SEMA3A: variants seen among roughly 807,000 people sequenced by gnomAD.
The protein encoded by SEMA3A is semaphorin 3A.
Under a neutral mutation model 97.9 loss-of-function variants are expected in SEMA3A, and 29 were observed. The observed-to-expected ratio is 0.30, with a 90% CI of 0.22 to 0.40. The LOEUF (loss-of-function observed/expected upper bound fraction) is 0.40, where lower values mean the gene tolerates loss of function less well. Among genes scored for constraint, SEMA3A ranks in the 10% least tolerant of loss-of-function variants. SEMA3A has a pLI of 1.00. For synonymous variants in SEMA3A, 321 were observed against 323.7 expected, an observed-to-expected ratio of 0.99 and a Z score of 0.09; for missense variants, 763 against 951.3, an observed-to-expected ratio of 0.80 and a Z score of 2.60.
intron 12 of SEMA3A, among the ~76,000 whole-genome samples, chr7:83,994,347 C>T (rs372638810): frequency 0.011 from 1,270 of 118,116 alleles, 288 homozygotes; most frequent in African/African-American, 0.037. Flanking sequence ...AGCTTTGTTC[C>T]GTTGCTGGTG....
intron 15 of SEMA3A, among the ~76,000 whole-genome samples, chr7:83,971,276 T>C (rs1217330497): frequency 6.6e-6 from 1 of 151,694 alleles, no homozygotes; most frequent in Non-Finnish European, 1.5e-5. Context: ...AAAAGAAAAA[T>C]ACAAAATTAG....
At chr7:84,311,881 C>T (rs1355410251) in intron 2 of SEMA3A, among the ~76,000 whole-genome samples, 1 of 151,744 alleles carries the variant, frequency 6.6e-6, no homozygotes, top group Non-Finnish European at 1.5e-5. Flanking sequence ...GAAGTGAAAA[C>T]ACAAGTTTAT....
rs368559560 is a variant in SEMA3A at position 84,278,671 on chromosome 7, AT to A, written c.-83+28535del. On this transcript the variant is annotated intron_variant, in intron 3 of 3. Coordinates refer to the SEMA3A transcript ENST00000424555. ...AGCAAAGGAAGGGCAGGCAGAGCAC[AT>A]GGTGAAAACAGGATAAAATGAGAAT... Among the ~76,000 whole-genome samples the A allele has an allele frequency of 3.4e-3, 517 of 152,248 alleles. 1 individual carries two copies. Among genetic ancestry groups the A allele is most frequent in the African/African-American group, 0.012 (490 of 41,570 alleles).
chr7:84,331,664 A>G (rs1801912166), intron 2 of SEMA3A, among the ~76,000 whole-genome samples: 1 of 152,110 alleles, frequency 6.6e-6, no homozygotes, highest in Non-Finnish European at 1.5e-5. Flanking sequence ...ACCAGCCAAG[A>G]CTAAAGTTTC....
intron 3 of SEMA3A, among the ~76,000 whole-genome samples, chr7:84,228,772 A>G (rs1017741602): frequency 5.3e-5 from 8 of 152,196 alleles, no homozygotes; most frequent in African/African-American, 1.9e-4. Context: ...TCATGGGCTG[A>G]CTGCAACCTT....
At chr7:84,236,663 G>T (rs1461020962) in intron 3 of SEMA3A, among the ~76,000 whole-genome samples, 1 of 151,968 alleles carries the variant, frequency 6.6e-6, no homozygotes, top group Non-Finnish European at 1.5e-5. Flanking sequence ...ATATTAATTT[G>T]ATATAGAAAA....
chr7:83,980,191 A>T (rs950063202), intron 14 of SEMA3A, among the ~76,000 whole-genome samples: 2 of 152,072 alleles, frequency 1.3e-5, no homozygotes, highest in African/African-American at 4.8e-5. Flanking sequence ...GTAGTAAAGG[A>T]TATGTTTTTG....
chr7:84,118,818 A>C (rs1358180207), intron 3 of SEMA3A, among the ~76,000 whole-genome samples: 2 of 152,190 alleles, frequency 1.3e-5, no homozygotes, highest in East Asian at 3.9e-4. Context: ...TACCTGTCTC[A>C]GGCAGTAGCC....
At chr7:83,974,421 A>C (rs1271158770) in intron 15 of SEMA3A, among the ~76,000 whole-genome samples, 2 of 152,212 alleles carry the variant, frequency 1.3e-5, no homozygotes, top group African/African-American at 4.8e-5. Flanking sequence ...ATAGAGTGTT[A>C]CAGAATATGT....
chr7:84,328,468 A>G (rs1263302171), intron 2 of SEMA3A, among the ~76,000 whole-genome samples: 1 of 152,022 alleles, frequency 6.6e-6, no homozygotes, highest in Non-Finnish European at 1.5e-5. Context: ...AATAGACAGT[A>G]ACTTTTAGAA....
At chr7:84,152,623 C>G (rs995375040) in intron 1 of SEMA3A, among the ~76,000 whole-genome samples, 2 of 147,192 alleles carry the variant, frequency 1.4e-5, no homozygotes, top group Non-Finnish European at 3.0e-5. Context: ...AGCACACCAG[C>G]ATGGCACATG....
chr7:84,037,666 T>C (rs1791989698), intron 6 of SEMA3A, among the ~76,000 whole-genome samples: 1 of 152,042 alleles, frequency 6.6e-6, no homozygotes, highest in East Asian at 1.9e-4. Context: ...AAACCATACT[T>C]CTAATGACAA....
chr7:84,195,658 G>T (rs1798207999), upstream of SEMA3A, among the ~76,000 whole-genome samples: 2 of 151,980 alleles, frequency 1.3e-5, no homozygotes, highest in Non-Finnish European at 1.5e-5. Flanking sequence ...ATTACAACGG[G>T]GGATTCTCAA....
chr7:84,193,694 A>C (rs183170980), intron 1 of SEMA3A, among the ~76,000 whole-genome samples: 107 of 152,242 alleles, frequency 7.0e-4, no homozygotes, highest in African/African-American at 2.6e-3. Context: ...CTCAATAAAA[A>C]TAAGCACATA....
chr7:84,114,021 A>G (rs1295685636), intron 3 of SEMA3A, among the ~76,000 whole-genome samples: 14 of 152,170 alleles, frequency 9.2e-5, no homozygotes, highest in Admixed American at 8.5e-4. Context: ...AGGAGCCAAA[A>G]GCACAGTGAT....
intron 1 of SEMA3A, among the ~76,000 whole-genome samples, chr7:84,421,095 ATCTT>A (rs1171495852): frequency 1.3e-5 from 2 of 151,856 alleles, no homozygotes; most frequent in Non-Finnish European, 2.9e-5. Flanking sequence ...TCGGTTTTAG[ATCTT>A]TCTAAAACCG....
chr7:84,460,249 A>G (rs1805794258), intron 1 of SEMA3A, among the ~76,000 whole-genome samples: 1 of 152,186 alleles, frequency 6.6e-6, no homozygotes, highest in African/African-American at 2.4e-5. Flanking sequence ...ATAGAAAGGC[A>G]AATACATCAA....
At chr7:84,056,078 T>G (rs977392666) in intron 5 of SEMA3A, among the ~76,000 whole-genome samples, 1 of 152,182 alleles carries the variant, frequency 6.6e-6, no homozygotes, top group Non-Finnish European at 1.5e-5. Flanking sequence ...TATATTGAAC[T>G]AAGACAAATT....
chr7:84,351,120 A>T (rs751424418), intron 2 of SEMA3A, among the ~76,000 whole-genome samples: 1 of 152,030 alleles, frequency 6.6e-6, no homozygotes, highest in East Asian at 1.9e-4. Flanking sequence ...ACACTAGAAC[A>T]TATTTTTGAG....
Sources: gnomAD v4.1 joint callset for allele counts (sites outside exome capture counted in the v4.1 genomes callset) on GRCh38, gnomAD v4.1.1 for gene constraint, MANE v1.5 for transcripts, NCBI Gene and HGNC (gene_info 2026-07-23, HGNC 2026-07-21) for gene names.